The following FHIT variants were observed in gnomAD, a reference collection of about 807,000 sequenced individuals.
The protein encoded by FHIT is bis(5'-adenosyl)-triphosphatase.
A neutral mutation model predicts 17.9 loss-of-function variants in FHIT; 19 were observed. The ratio of observed to expected loss-of-function variants is 1.06; its 90% CI spans 0.74 to 1.56. FHIT has a LOEUF of 1.56. Ranked by LOEUF, FHIT falls within the 40% of genes most tolerant of loss-of-function variation. FHIT has a pLI of 0.00. For missense variants in FHIT, 248 were observed against 189.2 expected, an observed-to-expected ratio of 1.31 and a Z score of -1.82; for synonymous variants, 81 against 69.7, an observed-to-expected ratio of 1.16 and a Z score of -0.81.
intron 8 of FHIT, among the ~76,000 whole-genome samples, chr3:59,850,478 A>G (rs1701890593): frequency 6.6e-6 from 1 of 152,224 alleles, no homozygotes; most frequent in African/African-American, 2.4e-5. Context: ...GCCCTCCAAT[A>G]AAAAATGTGG....
intron 8 of FHIT, among the ~76,000 whole-genome samples, chr3:59,910,669 A>G (rs796318077): frequency 2.0e-5 from 3 of 152,196 alleles, no homozygotes; most frequent in African/African-American, 7.2e-5. Flanking sequence ...GGAGGAAGGA[A>G]AAAACAACAA....
At chr3:60,142,869 C>G (rs1700098169) in intron 5 of FHIT, among the ~76,000 whole-genome samples, 1 of 151,888 alleles carries the variant, frequency 6.6e-6, no homozygotes, top group South Asian at 2.1e-4. Flanking sequence ...TATAACTCAA[C>G]TTAAGAACAG....
intron 5 of FHIT, among the ~76,000 whole-genome samples, chr3:60,070,538 C>G (rs549756381): frequency 1.9e-3 from 295 of 152,174 alleles, no homozygotes; most frequent in Middle Eastern, 3.4e-3. Flanking sequence ...CAATCCACAC[C>G]TGTCCCTCTG....
At chr3:60,074,092 T>C (rs1576035828) in intron 5 of FHIT, among the ~76,000 whole-genome samples, 1 of 152,200 alleles carries the variant, frequency 6.6e-6, no homozygotes, top group African/African-American at 2.4e-5. Flanking sequence ...GTCTTAGTTT[T>C]TTGCTGGGTC....
chr3:60,774,821 G>A (rs1449065209), intron 4 of FHIT, among the ~76,000 whole-genome samples: 2 of 152,166 alleles, frequency 1.3e-5, no homozygotes. Flanking sequence ...TACATGGGAT[G>A]ATTCATACAC....
intron 5 of FHIT, among the ~76,000 whole-genome samples, chr3:60,533,429 C>A (rs1436797805): frequency 6.6e-6 from 1 of 152,152 alleles, no homozygotes; most frequent in Non-Finnish European, 1.5e-5. Context: ...CCATAGGAAG[C>A]AAAGACTCAG....
intron 8 of FHIT, among the ~76,000 whole-genome samples, chr3:59,808,613 C>T (rs973997965): frequency 6.6e-6 from 1 of 152,208 alleles, no homozygotes; most frequent in African/African-American, 2.4e-5. Context: ...AATCTTCTCA[C>T]TCAAGCATGT....
chr3:60,711,679 T>C (rs923345524), intron 4 of FHIT, among the ~76,000 whole-genome samples: 1 of 152,122 alleles, frequency 6.6e-6, no homozygotes, highest in Non-Finnish European at 1.5e-5. Flanking sequence ...GTGTCAGTGA[T>C]GGAAGATGAA....
chr3:60,713,106 A>T (rs1431612695), intron 4 of FHIT, among the ~76,000 whole-genome samples: 4 of 152,336 alleles, frequency 2.6e-5, no homozygotes, highest in East Asian at 3.9e-4. Flanking sequence ...TCAAAGTAGA[A>T]CTCAGGATTA....
chr3:60,502,443 G>C (rs909676502), intron 5 of FHIT, among the ~76,000 whole-genome samples: 1 of 152,080 alleles, frequency 6.6e-6, no homozygotes, highest in Non-Finnish European at 1.5e-5. Context: ...TCATTGGCTG[G>C]TCTCCTCATT....
intron 8 of FHIT, among the ~76,000 whole-genome samples, chr3:59,806,241 C>T (rs1434355107): frequency 1.3e-5 from 2 of 151,596 alleles, no homozygotes; most frequent in Non-Finnish European, 1.5e-5. Flanking sequence ...AAGCCTAGGA[C>T]ATTACATGTG....
chr3:60,769,605 T>C (rs551109884), intron 4 of FHIT, among the ~76,000 whole-genome samples: 10 of 152,260 alleles, frequency 6.6e-5, no homozygotes, highest in African/African-American at 2.2e-4. Context: ...TCAGAACAAA[T>C]TTATAGACAA....
At chr3:59,783,182 A>C (rs895365170) in intron 8 of FHIT, among the ~76,000 whole-genome samples, 18 of 152,164 alleles carry the variant, frequency 1.2e-4, no homozygotes, top group African/African-American at 4.3e-4. Flanking sequence ...TATTAAAAGC[A>C]AATAATAGCT....
At chr3:60,448,185 A>T (rs1297192806) in intron 5 of FHIT, among the ~76,000 whole-genome samples, 2 of 152,110 alleles carry the variant, frequency 1.3e-5, no homozygotes, top group Non-Finnish European at 2.9e-5. Context: ...CTCTTCCTTA[A>T]CATGCTTTTA....
At chr3:60,695,628 T>C (rs1716722) in intron 4 of FHIT, among the ~76,000 whole-genome samples, 121,026 of 152,066 alleles carry the variant, frequency 0.8, 49,181 homozygotes, top group East Asian at 0.9. Flanking sequence ...ATAATTCATG[T>C]AAAGCTTGTA....
chr3:60,457,823 C>A (rs553603001), intron 5 of FHIT, among the ~76,000 whole-genome samples: 2 of 151,748 alleles, frequency 1.3e-5, no homozygotes, highest in African/African-American at 2.4e-5. Context: ...CCAAAAGACA[C>A]GTGAAAAAAC....
intron 5 of FHIT, among the ~76,000 whole-genome samples, chr3:60,259,094 A>G (rs539769715): frequency 6.6e-6 from 1 of 151,908 alleles, no homozygotes; most frequent in South Asian, 2.1e-4. Context: ...GTTCCGAAAG[A>G]TTTTTTTCAC....
chr3:61,150,988 T>C (rs898382685), intron 2 of FHIT, among the ~76,000 whole-genome samples: 1 of 152,328 alleles, frequency 6.6e-6, no homozygotes, highest in Non-Finnish European at 1.5e-5. Flanking sequence ...AGTACATACC[T>C]TTAAAAAAAA....
At chr3:60,572,772 A>C (rs906336608) in intron 4 of FHIT, among the ~76,000 whole-genome samples, 1 of 152,188 alleles carries the variant, frequency 6.6e-6, no homozygotes, top group African/African-American at 2.4e-5. Flanking sequence ...ATTTCTTTTG[A>C]CAGCCTAGCA....
Sources: allele counts gnomAD v4.1 joint callset (sites outside exome capture counted in the v4.1 genomes callset), GRCh38; gene constraint gnomAD v4.1.1; transcripts MANE v1.5; gene names NCBI Gene and HGNC (gene_info 2026-07-23, HGNC 2026-07-21).